The following PRSS12 variants were observed in gnomAD, a reference collection of about 807,000 sequenced individuals.
PRSS12 encodes the protein neurotrypsin.
PRSS12 carries 85 observed loss-of-function variants against 104.4 expected under a neutral mutation model. The observed-to-expected ratio is 0.81, with a 90% CI of 0.68 to 0.98. The LOEUF is 0.98. Among genes scored for constraint, PRSS12 ranks in the 50% least tolerant of loss-of-function variants. The pLI, the probability that PRSS12 is intolerant of heterozygous loss-of-function variation, is 0.00. For synonymous variants in PRSS12, 454 were observed against 425.2 expected, an observed-to-expected ratio of 1.07 and a Z score of -0.83; for missense variants, 1,141 against 1,139.2, an observed-to-expected ratio of 1.00 and a Z score of -0.02.
At chr4:118,321,362 G>A (rs1723614375) in intron 4 of PRSS12, among the ~76,000 whole-genome samples, 1 of 152,138 alleles carries the variant, frequency 6.6e-6, no homozygotes, top group African/African-American at 2.4e-5. Flanking sequence ...GTATATTACT[G>A]ACCATGTCAA....
intron 7 of PRSS12, among the ~76,000 whole-genome samples, chr4:118,312,482 G>A (rs1743769301): frequency 6.6e-6 from 1 of 151,852 alleles, no homozygotes. Flanking sequence ...TATATATTCT[G>A]CCCTCCTCAT....
At chr4:118,336,342 TCTAATCCA>T (rs1724064767) in intron 2 of PRSS12, among the ~76,000 whole-genome samples, 1 of 152,172 alleles carries the variant, frequency 6.6e-6, no homozygotes, top group African/African-American at 2.4e-5. Context: ...TTTTAGCTCA[TCTAATCCA>T]CATATTTTTG....
intron 8 of PRSS12, among the ~76,000 whole-genome samples, chr4:118,308,096 C>T (rs1413481720): frequency 6.6e-6 from 1 of 152,058 alleles, no homozygotes; most frequent in Non-Finnish European, 1.5e-5. Context: ...CTCTAGAGTC[C>T]CTTAAAAGGC....
intron 11 of PRSS12, among the ~76,000 whole-genome samples, chr4:118,289,272 G>C (rs1030749083): frequency 6.6e-6 from 1 of 152,090 alleles, no homozygotes; most frequent in African/African-American, 2.4e-5. Flanking sequence ...TGGTAATAAC[G>C]ATCTATGCCT....
At chr4:118,301,386 A>G (rs1001142992) in intron 8 of PRSS12, among the ~76,000 whole-genome samples, 6 of 152,158 alleles carry the variant, frequency 3.9e-5, no homozygotes, top group Non-Finnish European at 7.4e-5. Context: ...TTCAAGTTCC[A>G]AAATGATTTC....
At position 118,352,280 on chromosome 4, in the gene PRSS12, G is replaced by A; in HGVS notation, c.441C>T (p.Pro147=). The A allele has an allele frequency of 6.2e-7, 1 of 1,609,632 alleles. No individual in the cohort carries two copies. The highest frequency in any genetic ancestry group is 8.5e-7 in the Non-Finnish European group (1 of 1,179,122). ...FCRSPDGAGR[P]WCFYGDARGK... The stretch of plus-strand genomic sequence containing the variant: ...CACGGGCGTCTCCGTAGAAACACCA[G>A]GGTCTGCCCGCGCCGTCGGGGCTCC... Residue 147 remains proline, a synonymous_variant, in exon 1 of 13, where the codon CCC becomes CCT. Transcript: ENST00000296498.
At chr4:118,320,225 T>G (rs1723571766) in intron 4 of PRSS12, among the ~76,000 whole-genome samples, 1 of 152,154 alleles carries the variant, frequency 6.6e-6, no homozygotes, top group African/African-American at 2.4e-5. Context: ...CCCCCATTAT[T>G]TTAGCTGCTC....
chr4:118,306,755 A>G lies in PRSS12; in HGVS notation c.1631+1681T>C, dbSNP rs542338270. Among the ~76,000 whole-genome samples the G allele has an allele frequency of 3.9e-5, 6 of 152,326 alleles. No individual in the cohort carries two copies. In the South Asian group the frequency reaches 1.2e-3, roughly 32 times the overall value. On this transcript the variant is annotated intron_variant, in intron 8 of 12. Transcript: ENST00000296498. The stretch of plus-strand genomic sequence containing the variant: ...AAACTATATCAATGATGATAAATAA[A>G]AAGTAATGAACAATTTAGAAAGAAA...
chr4:118,322,103 T>G (rs1723642465), intron 4 of PRSS12, among the ~76,000 whole-genome samples: 1 of 152,174 alleles, frequency 6.6e-6, no homozygotes, highest in South Asian at 2.1e-4. Context: ...AAACGTTTTG[T>G]GCAATGAAAG....
At chr4:118,332,771 A>C (rs1723961223) in intron 3 of PRSS12, among the ~76,000 whole-genome samples, 1 of 152,206 alleles carries the variant, frequency 6.6e-6, no homozygotes, top group Non-Finnish European at 1.5e-5. Flanking sequence ...AGCAATGCTA[A>C]ATAAACCTAG....
chr4:118,352,763 C>T lies in PRSS12; in HGVS notation c.-43G>A, dbSNP rs765120192. ...GTCTGGTCCATGCTCCCCAGCTTCT[C>T]GGGCTTGGAGCGGAGAAGAGGAGGG... On this transcript the variant is annotated 5_prime_UTR_variant, in exon 1 of 13. Transcript: ENST00000296498. 5 of 1,539,836 alleles carry T rather than the reference C, an allele frequency of 3.2e-6. No homozygotes were observed. Among genetic ancestry groups the T allele is most frequent in the African/African-American group, 1.4e-5 (1 of 71,618 alleles).
At chr4:118,343,946 T>TA (rs966370040) in intron 1 of PRSS12, among the ~76,000 whole-genome samples, 2 of 151,316 alleles carry the variant, frequency 1.3e-5, no homozygotes, top group African/African-American at 4.9e-5. Flanking sequence ...GATAAAAGAG[T>TA]AAAAAAAAAC....
intron 4 of PRSS12, among the ~76,000 whole-genome samples, chr4:118,324,751 C>G (rs951873796): frequency 2.6e-5 from 4 of 152,024 alleles, no homozygotes; most frequent in Admixed American, 6.5e-5. Flanking sequence ...GAGTCTCTGT[C>G]GCACAGGCTG....
rs140807809 is a variant in PRSS12, at chr4:118,301,100, C to T, written c.1632-2162G>A. 5.7e-4 allele frequency among the ~76,000 whole-genome samples: 86 copies of T among 151,922 alleles called. No homozygotes were observed. The East Asian group carries it at 0.014, about 26-fold the overall frequency. On this transcript the variant is annotated intron_variant, in intron 8 of 12. Transcript: ENST00000296498. ...AATTTTATGTATTTATTGTATATCACGGTTCTTGTCTGTCTGAAATTTATT... is the reference window on the plus strand; with the variant it reads ...AATTTTATGTATTTATTGTATATCATGGTTCTTGTCTGTCTGAAATTTATT...
At chr4:118,351,357 A>AT in intron 1 of PRSS12, among the ~76,000 whole-genome samples, 1 of 152,174 alleles carries the variant, frequency 6.6e-6, no homozygotes, top group Admixed American at 6.5e-5. Context: ...CAAAAAAAAA[A>AT]ACCTAATTTC....
At chr4:118,307,160 G>A (rs1345396301) in intron 8 of PRSS12, among the ~76,000 whole-genome samples, 6 of 152,050 alleles carry the variant, frequency 3.9e-5, no homozygotes, top group Admixed American at 6.6e-5. Flanking sequence ...CACATCTAAT[G>A]TAGACTCTCC....
chr4:118,330,043 T>C (rs74801597), intron 4 of PRSS12, among the ~76,000 whole-genome samples: 200 of 152,306 alleles, frequency 1.3e-3, no homozygotes, highest in African/African-American at 4.5e-3. Flanking sequence ...CCAAAGAAAA[T>C]GATCATACCA....
At chr4:118,347,517 T>C (rs1724387543) in intron 1 of PRSS12, among the ~76,000 whole-genome samples, 1 of 152,234 alleles carries the variant, frequency 6.6e-6, no homozygotes. Flanking sequence ...ATTTATTTAA[T>C]GTTTTACCTC....
At chr4:118,347,862 T>A (rs930217377) in intron 1 of PRSS12, among the ~76,000 whole-genome samples, 1 of 152,142 alleles carries the variant, frequency 6.6e-6, no homozygotes. Context: ...TCACAAGCTA[T>A]TGTTGGGGGA....
Sources: gnomAD v4.1 joint callset for allele counts (sites outside exome capture counted in the v4.1 genomes callset) on GRCh38, gnomAD v4.1.1 for gene constraint, MANE v1.5 for transcripts, NCBI Gene and HGNC (gene_info 2026-07-23, HGNC 2026-07-21) for gene names.